Variants in OVCH1 observed in about 807,000 individuals in gnomAD.
The protein encoded by OVCH1 is ovochymase-1.
In OVCH1, 139 loss-of-function variants were observed where a neutral mutation model predicts 138.4. The ratio of observed to expected loss-of-function variants is 1.00; its 90% confidence interval spans 0.87 to 1.16. The LOEUF (loss-of-function observed/expected upper bound fraction) is 1.16. OVCH1 is among the 50% of genes most tolerant of loss of function. OVCH1 has a pLI of 0.00. For missense variants in OVCH1, 1,367 were observed against 1,357.9 expected (o/e 1.01, Z -0.11); for synonymous variants, 453 against 467.8 (o/e 0.97, Z 0.41).
chr12:29,408,111 C>T (rs980018062), downstream of OVCH1, among the ~76,000 whole-genome samples: 10 of 134,324 alleles, frequency 7.4e-5, 1 homozygote, highest in African/African-American at 2.5e-4. Flanking sequence ...CTCTGTTTGT[C>T]TGTTATTGGT....
intron 8 of OVCH1, among the ~76,000 whole-genome samples, chr12:29,479,756 G>C (rs987539232): frequency 6.7e-5 from 10 of 149,928 alleles, no homozygotes; most frequent in Non-Finnish European, 1.2e-4. Context: ...TTTATGCCCA[G>C]TTTCCAAAAA....
intron 27 of OVCH1, among the ~76,000 whole-genome samples, chr12:29,428,402 G>C (rs1941214395): frequency 6.6e-6 from 1 of 152,100 alleles, no homozygotes; most frequent in African/African-American, 2.4e-5. Flanking sequence ...GATACCCCAT[G>C]GTTTTCCATG....
chr12:29,437,561 A>T (rs1302621197), intron 26 of OVCH1, among the ~76,000 whole-genome samples: 1 of 152,228 alleles, frequency 6.6e-6, no homozygotes, highest in Non-Finnish European at 1.5e-5. Context: ...TAGTAAATGT[A>T]GTTTGCTGTA....
intron 3 of OVCH1, among the ~76,000 whole-genome samples, chr12:29,416,683 A>G (rs1469654273): frequency 2.0e-5 from 3 of 152,222 alleles, no homozygotes; most frequent in African/African-American, 7.2e-5. Context: ...CAGAAAAACT[A>G]GGTCACTCAC....
At chr12:29,465,719 G>A (rs1229023266) in intron 16 of OVCH1, among the ~76,000 whole-genome samples, 4 of 152,102 alleles carry the variant, frequency 2.6e-5, no homozygotes, top group Admixed American at 1.3e-4. Flanking sequence ...TGACCATAAA[G>A]TATCATTGGA....
chr12:29,423,710 G>A (rs1174524993), downstream of OVCH1, among the ~76,000 whole-genome samples: 2 of 152,168 alleles, frequency 1.3e-5, no homozygotes, highest in Non-Finnish European at 1.5e-5. Context: ...CAGGACATTT[G>A]CTGTACATTT....
chr12:29,417,623 T>C (rs1941048502), intron 3 of OVCH1, among the ~76,000 whole-genome samples: 1 of 152,140 alleles, frequency 6.6e-6, no homozygotes, highest in Admixed American at 6.6e-5. Context: ...AAACTGCATG[T>C]AAATCTAAAA....
intron 22 of OVCH1, among the ~76,000 whole-genome samples, chr12:29,446,366 A>C (rs986097137): frequency 6.6e-6 from 1 of 152,114 alleles, no homozygotes; most frequent in Non-Finnish European, 1.5e-5. Context: ...GAATGACCTA[A>C]TATTTATTTG....
intron 8 of OVCH1, among the ~76,000 whole-genome samples, chr12:29,485,645 G>A (rs1216617627): frequency 6.6e-6 from 1 of 152,024 alleles, no homozygotes; most frequent in African/African-American, 2.4e-5. Context: ...GTGGTGGCAT[G>A]TGCCTGCCTG....
At chr12:29,428,364 A>C (rs1053671438) in intron 27 of OVCH1, among the ~76,000 whole-genome samples, 3 of 152,128 alleles carry the variant, frequency 2.0e-5, no homozygotes, top group Admixed American at 1.3e-4. Flanking sequence ...TACCTCTATT[A>C]TAGGTTTTTC....
chr12:29,462,618 G>C (rs961776081), intron 18 of OVCH1, among the ~76,000 whole-genome samples: 1 of 151,878 alleles, frequency 6.6e-6, no homozygotes, highest in Non-Finnish European at 1.5e-5. Flanking sequence ...ATTTTTTTAA[G>C]TTTAATATTT....
chr12:29,481,962 TG>T (rs1331750284), intron 8 of OVCH1, among the ~76,000 whole-genome samples: 2 of 152,250 alleles, frequency 1.3e-5, no homozygotes, highest in Non-Finnish European at 2.9e-5. Flanking sequence ...GACTTTTACC[TG>T]GATGACTGCA....
the OVCH1 span, among the ~76,000 whole-genome samples, chr12:29,402,550 T>G: frequency 4.9e-5 from 7 of 143,406 alleles, no homozygotes; most frequent in African/African-American, 1.3e-4. Flanking sequence ...GGAAGGGAGG[T>G]TGGTTGAAAG....
At chr12:29,408,174 C>T (rs963364747), downstream of OVCH1, among the ~76,000 whole-genome samples, 7 of 128,090 alleles carry the variant, frequency 5.5e-5, no homozygotes, top group African/African-American at 1.8e-4. Context: ...TGAGACTTTG[C>T]TGAAGTTGCT....
downstream of OVCH1, among the ~76,000 whole-genome samples, chr12:29,411,368 G>A (rs185122258): frequency 3.0e-3 from 452 of 151,478 alleles, 2 homozygotes; most frequent in African/African-American, 0.011. Flanking sequence ...CTTTGGAGGA[G>A]GAGAGGTGCT....
downstream of OVCH1, chr12:29,423,342 G>A (rs1045557606): frequency 4.4e-6 from 2 of 452,306 alleles, no homozygotes; most frequent in Admixed American, 4.8e-5. Context: ...CTTTTTCTGT[G>A]CAATGACATA....
At chr12:29,476,755 G>GCGCGCGCGCGCACA (rs1264497944) in intron 12 of OVCH1, among the ~76,000 whole-genome samples, 4 of 103,342 alleles carry the variant, frequency 3.9e-5, no homozygotes, top group African/African-American at 1.5e-4. Context: ...ACACACGCGC[G>GCGCGCGCGCGCACA]CACACACACA....
At chr12:29,423,880 G>A (rs1167864882), downstream of OVCH1, among the ~76,000 whole-genome samples, 1 of 152,172 alleles carries the variant, frequency 6.6e-6, no homozygotes. Context: ...GGGGAACCTT[G>A]GAGATGCTTT....
chr12:29,471,744 A>G, intron 16 of OVCH1, 58 bp downstream of exon 16: 1 of 1,506,202 alleles, frequency 6.6e-7, no homozygotes, highest in Admixed American at 2.1e-5. Context: ...CTTGTGTCCT[A>G]GGCATTACTT....
Sources: gnomAD v4.1 joint callset for allele counts (sites outside exome capture counted in the v4.1 genomes callset) on GRCh38, gnomAD v4.1.1 for gene constraint, MANE v1.5 for transcripts, NCBI Gene and HGNC (gene_info 2026-07-23, HGNC 2026-07-21) for gene names.